The following CTIF variants were observed in gnomAD, a reference collection of about 807,000 sequenced individuals.
The protein encoded by CTIF is cap binding complex dependent translation initiation factor, also known as CBP80/20-dependent translation initiation factor.
CTIF carries 21 observed loss-of-function variants against 66.0 expected under a neutral mutation model. The observed-to-expected ratio is 0.32, with a 90% CI of 0.23 to 0.46. The LOEUF (loss-of-function observed/expected upper bound fraction) is 0.46. Among genes scored for constraint, CTIF ranks in the 20% least tolerant of loss-of-function variants. The pLI, the probability that CTIF is intolerant of heterozygous loss-of-function variation, is 1.00. For missense variants in CTIF, 739 were observed against 812.7 expected (o/e 0.91, Z 1.10); for synonymous variants, 345 against 326.4 (o/e 1.06, Z -0.62).
chr18:48,818,259 G>A (rs1273749975), intron 10 of CTIF, among the ~76,000 whole-genome samples: 1 of 152,210 alleles, frequency 6.6e-6, no homozygotes, highest in Admixed American at 6.5e-5. Flanking sequence ...GAGGTTGGTG[G>A]CTTGGAAGAC....
chr18:48,589,821 T>G (rs951042575), intron 1 of CTIF, among the ~76,000 whole-genome samples: 1 of 152,202 alleles, frequency 6.6e-6, no homozygotes, highest in African/African-American at 2.4e-5. Flanking sequence ...CCAGGTGAGA[T>G]TATACATTTC....
In CTIF at chr18:48,555,868, G is replaced by A. The variant is rs139066493; in HGVS notation, c.-29+16556G>A. On this transcript the variant is annotated intron_variant, in intron 1 of 11. Coordinates refer to ENST00000256413, the MANE Select transcript of CTIF (RefSeq NM_014772.3). ...TTGGGGCACTGGGCATGGGGAATAG[G>A]GGGCAAAGGAAAGGAAGACTCAACT... Among the ~76,000 whole-genome samples the A allele has an allele frequency of 2.6e-3, 394 of 152,262 alleles. 3 individuals are homozygous for A. Among genetic ancestry groups the A allele is most frequent in the Middle Eastern group, 0.024 (7 of 294 alleles).
chr18:48,634,260 T>C (rs189808199), intron 2 of CTIF, among the ~76,000 whole-genome samples: 65 of 152,300 alleles, frequency 4.3e-4, no homozygotes, highest in African/African-American at 1.5e-3. Flanking sequence ...GAGTCCATGA[T>C]GCAGATATGT....
intron 1 of CTIF, among the ~76,000 whole-genome samples, chr18:48,594,226 C>T (rs541792670): frequency 2.0e-5 from 3 of 152,176 alleles, no homozygotes; most frequent in Admixed American, 1.3e-4. Context: ...TGCGGATGCA[C>T]GGGGTCCCAC....
chr18:48,708,091 G>A lies in CTIF; in HGVS notation c.508-3528G>A, dbSNP rs184935965. ...CCATATAATACTCCACTGTATATAT[G>A]TACCATAATTTATTTATCCAGTCAT... On this transcript the variant is annotated intron_variant, in intron 6 of 11. Transcript: ENST00000256413. 2.2e-3 allele frequency among the ~76,000 whole-genome samples: 337 copies of A among 152,268 alleles called. 1 individual carries two copies. Among genetic ancestry groups the A allele is most frequent in the Admixed American group, 6.0e-3 (92 of 15,288 alleles).
chr18:48,560,314 C>T (rs887997626), intron 1 of CTIF, among the ~76,000 whole-genome samples: 3 of 150,828 alleles, frequency 2.0e-5, no homozygotes, highest in Admixed American at 1.3e-4. Flanking sequence ...GCAAGCTCGC[C>T]TCCCAGGTTC....
intron 7 of CTIF, among the ~76,000 whole-genome samples, chr18:48,734,872 G>A (rs2092486409): frequency 6.6e-6 from 1 of 152,202 alleles, no homozygotes; most frequent in South Asian, 2.1e-4. Context: ...TCTAGTTGGA[G>A]TGAGGTGATT....
intron 1 of CTIF, among the ~76,000 whole-genome samples, chr18:48,550,674 A>G (rs866727264): frequency 6.6e-6 from 1 of 151,896 alleles, no homozygotes; most frequent in Non-Finnish European, 1.5e-5. Flanking sequence ...AGCACTTCCC[A>G]TCACTCCCTG....
chr18:48,559,734 A>G (rs1288315882), intron 1 of CTIF, among the ~76,000 whole-genome samples: 2 of 151,442 alleles, frequency 1.3e-5, no homozygotes, highest in African/African-American at 4.8e-5. Context: ...TCCTCAAAGC[A>G]TGGTGGCTGG....
intron 1 of CTIF, among the ~76,000 whole-genome samples, chr18:48,598,714 C>T (rs2144097250): frequency 1.3e-5 from 2 of 152,314 alleles, no homozygotes; most frequent in Middle Eastern, 3.4e-3. Context: ...TCTATAACAG[C>T]ACGCAGGGCA....
chr18:48,677,241 T>C (rs1448094929), intron 6 of CTIF, among the ~76,000 whole-genome samples: 4 of 152,108 alleles, frequency 2.6e-5, no homozygotes, highest in Non-Finnish European at 5.9e-5. Context: ...CCCCAGGCCC[T>C]GTGCACCGGC....
intron 3 of CTIF, among the ~76,000 whole-genome samples, 175 bp downstream of exon 3, chr18:48,636,860 G>T (rs191263438): frequency 1.3e-5 from 2 of 152,276 alleles, no homozygotes; most frequent in East Asian, 3.9e-4. Context: ...TGCCCACAGG[G>T]AAGCTCCCAC....
At chr18:48,586,176 C>T (rs1207468838) in intron 1 of CTIF, among the ~76,000 whole-genome samples, 2 of 152,092 alleles carry the variant, frequency 1.3e-5, no homozygotes, top group African/African-American at 4.8e-5. Context: ...TGCCAAATTG[C>T]CCAGCAGAAG....
intron 9 of CTIF, among the ~76,000 whole-genome samples, chr18:48,778,412 C>A (rs1392705112): frequency 6.6e-6 from 1 of 152,148 alleles, no homozygotes; most frequent in Non-Finnish European, 1.5e-5. Context: ...AGCATTCAAT[C>A]CCCCAGAAAA....
At chr18:48,602,829 G>A (rs143960580) in intron 1 of CTIF, among the ~76,000 whole-genome samples, 1 of 150,424 alleles carries the variant, frequency 6.6e-6, no homozygotes, top group Non-Finnish European at 1.5e-5. Flanking sequence ...ATGGGTGGAT[G>A]AATGGATGGA....
rs566492640 is a variant in CTIF, at chr18:48,576,332, A to C, written c.-29+37020A>C. On this transcript the variant is annotated intron_variant, in intron 1 of 11. Coordinates refer to ENST00000256413, the MANE Select transcript of CTIF (RefSeq NM_014772.3). ...CCTCTGGCCTGGCCATTGTCATTGC[A>C]AAGCTGAAGAGATAGAAGAATTTGC... 3.9e-5 allele frequency among the ~76,000 whole-genome samples: 6 copies of C among 152,350 alleles called. No individual in the cohort carries two copies. The East Asian group carries it at 9.6e-4, about 24-fold the overall frequency.
At chr18:48,650,754 C>T (rs1370145695) in intron 3 of CTIF, among the ~76,000 whole-genome samples, 1 of 152,098 alleles carries the variant, frequency 6.6e-6, no homozygotes, top group African/African-American at 2.4e-5. Flanking sequence ...AAAGAAAGCC[C>T]ATCAGACTAA....
intron 3 of CTIF, among the ~76,000 whole-genome samples, chr18:48,648,414 G>A (rs2091090597): frequency 6.6e-6 from 1 of 151,800 alleles, no homozygotes; most frequent in African/African-American, 2.4e-5. Context: ...AAGGCCCCTT[G>A]GGGGTCTATT....
At chr18:48,645,500 G>A (rs117588966) in intron 3 of CTIF, among the ~76,000 whole-genome samples, 3 of 152,148 alleles carry the variant, frequency 2.0e-5, no homozygotes, top group Non-Finnish European at 4.4e-5. Context: ...TCCCACCCCT[G>A]CTGGGCTATC....
Sources: allele counts gnomAD v4.1 joint callset (sites outside exome capture counted in the v4.1 genomes callset), GRCh38; gene constraint gnomAD v4.1.1; transcripts MANE v1.5; gene names NCBI Gene and HGNC (gene_info 2026-07-23, HGNC 2026-07-21).